ANK3: variants seen among roughly 807,000 people sequenced by gnomAD.
The protein encoded by ANK3 is ankyrin 3.
In ANK3, 57 loss-of-function variants were observed where a neutral mutation model predicts 370.9. The observed-to-expected ratio is 0.15, with a 90% CI of 0.12 to 0.19. The LOEUF (loss-of-function observed/expected upper bound fraction) is 0.19. Among genes scored for constraint, ANK3 ranks in the 10% least tolerant of loss-of-function variants. The pLI is 1.00. For missense variants in ANK3, 4,439 were observed against 5,302.1 expected (o/e 0.84, Z 5.06); for synonymous variants, 1,929 against 1,946.3 (o/e 0.99, Z 0.23).
chr10:60,638,154 T>C (rs2078580371), intron 1 of ANK3, among the ~76,000 whole-genome samples: 1 of 152,176 alleles, frequency 6.6e-6, no homozygotes, highest in Non-Finnish European at 1.5e-5. Flanking sequence ...GATCTATGCA[T>C]GGATGAGGTG....
chr10:60,167,339 T>C lies in ANK3; in HGVS notation c.2479-443A>G, dbSNP rs140334821. ...GTCTATTTTGTGTTCTCCTCTTATA[T>C]GTACTTTTAATTCATAGGATAAAAC... On this transcript the variant is annotated intron_variant, in intron 21 of 43. Transcript: ENST00000280772. Among the ~76,000 whole-genome samples the C allele has an allele frequency of 7.8e-4, 119 of 152,328 alleles. 3 individuals are homozygous for C. In the East Asian group the frequency reaches 0.019, roughly 24 times the overall value.
At chr10:60,248,979 G>A (rs2097600041) in intron 7 of ANK3, among the ~76,000 whole-genome samples, 1 of 152,198 alleles carries the variant, frequency 6.6e-6, no homozygotes, top group African/African-American at 2.4e-5. Context: ...TTCAGTGACA[G>A]CAAAAATAGT....
chr10:60,430,815 C>T (rs1484397356), intron 2 of ANK3, among the ~76,000 whole-genome samples: 1 of 151,780 alleles, frequency 6.6e-6, no homozygotes, highest in African/African-American at 2.4e-5. Flanking sequence ...AAAAAAAAAA[C>T]TTGGATTTGA....
At chr10:60,378,781 A>G (rs1290817685) in intron 1 of ANK3, among the ~76,000 whole-genome samples, 1 of 152,176 alleles carries the variant, frequency 6.6e-6, no homozygotes, top group Admixed American at 6.5e-5. Flanking sequence ...ACTGTAGGAC[A>G]TTGGTTTGAG....
intron 1 of ANK3, among the ~76,000 whole-genome samples, chr10:60,358,013 A>G (rs1253666348): frequency 6.6e-6 from 1 of 151,834 alleles, no homozygotes; most frequent in Non-Finnish European, 1.5e-5. Flanking sequence ...TCCCTTTTAC[A>G]TTGTCAATTT....
chr10:60,390,729 A>AACACACAC (rs572520321), upstream of ANK3, among the ~76,000 whole-genome samples: 97 of 107,070 alleles, frequency 9.1e-4, 1 homozygote, highest in African/African-American at 3.3e-3. Context: ...TAAAAAAAAG[A>AACACACAC]ACACACACAC....
intron 1 of ANK3, among the ~76,000 whole-genome samples, chr10:60,665,416 C>G (rs1257305927): frequency 6.6e-6 from 1 of 152,158 alleles, no homozygotes; most frequent in Non-Finnish European, 1.5e-5. Context: ...GCTGGTTCTT[C>G]TTTGTGTCCT....
intron 2 of ANK3, among the ~76,000 whole-genome samples, chr10:60,395,600 CTTTCTT>C (rs2063213664): frequency 8.1e-6 from 1 of 122,730 alleles, no homozygotes; most frequent in African/African-American, 3.5e-5. Flanking sequence ...TTCTTTCTTT[CTTTCTT>C]TCTCTCTTTC....
intron 1 of ANK3, among the ~76,000 whole-genome samples, chr10:60,710,687 T>A (rs538864458): frequency 6.6e-6 from 1 of 152,164 alleles, no homozygotes; most frequent in African/African-American, 2.4e-5. Context: ...ACCTATATAA[T>A]GGTTTATTAC....
chr10:60,232,357 T>C (rs890304952), intron 8 of ANK3, among the ~76,000 whole-genome samples: 2 of 129,294 alleles, frequency 1.5e-5, no homozygotes, highest in Non-Finnish European at 3.6e-5. Flanking sequence ...TCCTCCTCTT[T>C]ACAAATGTTC....
chr10:60,244,374 T>C (rs1365675078), intron 7 of ANK3, among the ~76,000 whole-genome samples: 2 of 152,190 alleles, frequency 1.3e-5, no homozygotes, highest in Non-Finnish European at 2.9e-5. Context: ...ATCTTGTAGA[T>C]AATGAAAGAT....
chr10:60,216,098 C>G (rs553950089), intron 8 of ANK3, among the ~76,000 whole-genome samples: 2 of 152,030 alleles, frequency 1.3e-5, no homozygotes, highest in Non-Finnish European at 2.9e-5. Flanking sequence ...GTATTTTATT[C>G]TCTTTGTAGT....
intron 1 of ANK3, among the ~76,000 whole-genome samples, chr10:60,664,499 C>T (rs2078972918): frequency 6.6e-6 from 1 of 152,142 alleles, no homozygotes; most frequent in African/African-American, 2.4e-5. Context: ...ACCAGATGGT[C>T]CTATTGTAAG....
chr10:60,414,094 G>T (rs1000005848), intron 2 of ANK3, among the ~76,000 whole-genome samples: 1 of 152,204 alleles, frequency 6.6e-6, no homozygotes, highest in Non-Finnish European at 1.5e-5. Flanking sequence ...TATAGGCACT[G>T]TAATTTTGTC....
intron 16 of ANK3, among the ~76,000 whole-genome samples, chr10:60,188,908 A>C (rs2096409381): frequency 6.6e-6 from 1 of 152,196 alleles, no homozygotes; most frequent in Non-Finnish European, 1.5e-5. Context: ...CCAATGCTAC[A>C]ATAAGTGACC....
intron 1 of ANK3, among the ~76,000 whole-genome samples, chr10:60,680,971 T>A (rs910438770): frequency 2.6e-5 from 4 of 152,276 alleles, no homozygotes; most frequent in African/African-American, 7.2e-5. Flanking sequence ...ACACATGAAG[T>A]GCTTTATCTA....
intron 1 of ANK3, among the ~76,000 whole-genome samples, chr10:60,361,591 A>T (rs1245414341): frequency 2.0e-5 from 3 of 152,196 alleles, no homozygotes; most frequent in South Asian, 2.1e-4. Context: ...CACTTTATTC[A>T]GTAAGAAAGG....
intron 2 of ANK3, among the ~76,000 whole-genome samples, chr10:60,543,762 T>G (rs376562186): frequency 4.8e-4 from 73 of 152,184 alleles, no homozygotes; most frequent in Non-Finnish European, 9.1e-4. Flanking sequence ...ATAAATTCCA[T>G]TTTCTCACAA....
chr10:60,687,785 A>G (rs1047605010), intron 1 of ANK3, among the ~76,000 whole-genome samples: 2 of 152,236 alleles, frequency 1.3e-5, no homozygotes, highest in African/African-American at 4.8e-5. Context: ...CAAACTATTC[A>G]CAATAGCAAA....
Sources: allele counts gnomAD v4.1 joint callset (sites outside exome capture counted in the v4.1 genomes callset), GRCh38; gene constraint gnomAD v4.1.1; transcripts MANE v1.5; gene names NCBI Gene and HGNC (gene_info 2026-07-23, HGNC 2026-07-21).